The following PBRM1 variants were observed in gnomAD, a reference collection of about 807,000 sequenced individuals.
PBRM1 encodes polybromo 1.
In PBRM1, 27 loss-of-function variants were observed where a neutral mutation model predicts 194.5. The observed-to-expected ratio is 0.14, with a 90% CI of 0.10 to 0.19. The LOEUF (loss-of-function observed/expected upper bound fraction) is 0.19. Ranked by LOEUF, PBRM1 falls within the 10% of genes least tolerant of loss-of-function variation. PBRM1 has a pLI of 1.00. For synonymous variants in PBRM1, 655 were observed against 693.2 expected, an observed-to-expected ratio of 0.94 and a Z score of 0.87; for missense variants, 1,466 against 2,077.2, an observed-to-expected ratio of 0.71 and a Z score of 5.72.
rs1282943179 is a variant in PBRM1, at chr3:52,662,274, T to C, written c.387A>G (p.Pro129=). The stretch of plus-strand genomic sequence containing the variant: ...AAGCGGCTTTATATTCAGGAGAATC[T>C]GGCTGTATGTTAGCAAAGAGAAAAA... The change falls in exon 4 of 30, where the codon CCA becomes CCG. Residue 129 remains proline, a splice_region_variant and synonymous_variant. Coordinates refer to ENST00000296302, the Ensembl canonical transcript of PBRM1. 5 of 1,597,918 alleles carry C rather than the reference T, an allele frequency of 3.1e-6. No homozygotes were observed. The East Asian group carries it at 1.1e-4, about 36-fold the overall frequency.
At chr3:52,564,290 C>T in intron 22 of PBRM1, 57 bp from the exon 25 acceptor site, 4 of 1,229,448 alleles carry the variant, frequency 3.3e-6, no homozygotes, top group African/African-American at 1.5e-5. Context: ...TAGTTACTAA[C>T]TGTTTTAACA....
chr3:52,628,966 T>A, exon 12 of PBRM1: 1 of 1,612,162 alleles, frequency 6.2e-7, no homozygotes, highest in Admixed American at 1.7e-5. Flanking sequence ...GTTTGGCATT[T>A]TCAAACATTA....
chr3:52,617,135 A>G lies in PBRM1; in HGVS notation c.1818+127T>C, dbSNP rs2095003967. The G allele has an allele frequency of 7.4e-6, 5 of 679,376 alleles. No homozygotes were observed. The East Asian group carries it at 1.4e-4, about 19-fold the overall frequency. The allele number at this position is 679,376 out of a possible 1,614,324, so 42.1% of individuals were successfully genotyped here. On this transcript the variant is annotated intron_variant, in intron 14 of 29. Coordinates refer to ENST00000296302, the Ensembl canonical transcript of PBRM1. ...GATTGTAAACAATGAAGAAAAATCA[A>G]TTAACCTAGTCACCAAAAAGAATAA...
chr3:52,676,813 G>A (rs1043370041), intron 2 of PBRM1, among the ~76,000 whole-genome samples: 13 of 152,212 alleles, frequency 8.5e-5, no homozygotes, highest in Non-Finnish European at 1.5e-5. Context: ...ATAAGGTCCA[G>A]GCTGAGGTGG....
intron 4 of PBRM1, among the ~76,000 whole-genome samples, chr3:52,661,736 A>G (rs568201630): frequency 1.3e-5 from 2 of 152,364 alleles, no homozygotes; most frequent in South Asian, 4.1e-4. Flanking sequence ...TTCTAGGAAC[A>G]GTAACTATTC....
chr3:52,679,535 G>T (rs2154065078), intron 1 of PBRM1, 39 bp downstream of exon 2: 1 of 1,576,524 alleles, frequency 6.3e-7, no homozygotes, highest in Non-Finnish European at 8.6e-7. Flanking sequence ...GGGAATTGTG[G>T]GAAGAGCAGG....
At chr3:52,658,734 T>G (rs1021511055) in intron 4 of PBRM1, among the ~76,000 whole-genome samples, 1 of 152,152 alleles carries the variant, frequency 6.6e-6, no homozygotes, top group Non-Finnish European at 1.5e-5. Flanking sequence ...AACTCCAAAT[T>G]TCAAGAATAC....
intron 17 of PBRM1, among the ~76,000 whole-genome samples, chr3:52,595,169 C>A (rs2093432953): frequency 6.6e-6 from 1 of 152,026 alleles, no homozygotes; most frequent in Non-Finnish European, 1.5e-5. Context: ...AAAGTTCCTT[C>A]AATCTTTAAA....
At chr3:52,577,698 A>G (rs954488760) in intron 21 of PBRM1, among the ~76,000 whole-genome samples, 1 of 152,076 alleles carries the variant, frequency 6.6e-6, no homozygotes, top group African/African-American at 2.4e-5. Context: ...TATTAATTTG[A>G]CCTTCAAAAT....
chr3:52,678,472 CAACTGT>C, intron 2 of PBRM1, 22 bp downstream of exon 3: 1 of 1,446,664 alleles, frequency 6.9e-7, no homozygotes, highest in South Asian at 1.1e-5. Flanking sequence ...AAATCCCCCG[CAACTGT>C]ACTGATGTGC....
chr3:52,629,639 A>G (rs1241800298), intron 11 of PBRM1, among the ~76,000 whole-genome samples: 1 of 152,226 alleles, frequency 6.6e-6, no homozygotes, highest in African/African-American at 2.4e-5. Flanking sequence ...TTTTTACTTA[A>G]AAGTCTTAAG....
intron 13 of PBRM1, 101 bp downstream of exon 14, chr3:52,627,172 A>C: frequency 1.6e-6 from 1 of 622,206 alleles, no homozygotes; most frequent in Non-Finnish European, 2.8e-6. Context: ...ATTTATTTAA[A>C]GCTTACAACT....
In PBRM1 at chr3:52,588,955, C is replaced by T; in HGVS notation, c.2965+115G>A. On this transcript the variant is annotated intron_variant, in intron 18 of 29. Transcript: ENST00000296302. ...TACTTACATTTATTGACATATTGAA[C>T]AATTATTATGGAAAGGCTTAAGATG... is the stretch of plus-strand genomic sequence containing the variant. The T allele has an allele frequency of 2.8e-6, 2 of 709,778 alleles. 1 individual carries two copies. The highest frequency in any genetic ancestry group is 4.9e-6 in the Non-Finnish European group (2 of 406,580). 44.0% of individuals were successfully genotyped at this position (709,778 alleles called of 1,614,324 possible).
intron 17 of PBRM1, among the ~76,000 whole-genome samples, chr3:52,598,943 A>T (rs562563347): frequency 6.6e-6 from 1 of 151,450 alleles, no homozygotes; most frequent in African/African-American, 2.4e-5. Context: ...AATCGCTGGA[A>T]CCTGGGAGGC....
At chr3:52,587,240 A>T in intron 19 of PBRM1, 113 bp downstream of exon 21, 2 of 851,404 alleles carry the variant, frequency 2.3e-6, no homozygotes, top group Admixed American at 2.5e-5. Context: ...GACACGGCTT[A>T]AAAAATAGCT....
chr3:52,563,636 A>G (rs139671649), intron 23 of PBRM1, 143 bp from the exon 26 acceptor site: 5 of 614,776 alleles, frequency 8.1e-6, no homozygotes, highest in Non-Finnish European at 1.4e-5. Context: ...AAGAGTTTAA[A>G]TGTGTATTTA....
At chr3:52,685,622 GC>G (rs2154093653) in intron 1 of PBRM1, 126 bp downstream of exon 1, 2 of 148,030 alleles carry the variant, frequency 1.4e-5, no homozygotes, top group East Asian at 3.9e-4. Context: ...CGCGCGCCCG[GC>G]CCGACCCGCG....
intron 17 of PBRM1, among the ~76,000 whole-genome samples, chr3:52,591,712 G>C (rs2093073388): frequency 1.3e-5 from 2 of 149,218 alleles, no homozygotes; most frequent in African/African-American, 4.9e-5. Context: ...TAGAGATGGG[G>C]TTTCACCATC....
At chr3:52,558,690 C>T (rs1278315299) in intron 25 of PBRM1, among the ~76,000 whole-genome samples, 1 of 152,164 alleles carries the variant, frequency 6.6e-6, no homozygotes, top group Non-Finnish European at 1.5e-5. Flanking sequence ...TATGTAAACA[C>T]GTCACCAGCA....
Sources: gnomAD v4.1 joint callset for allele counts (sites outside exome capture counted in the v4.1 genomes callset) on GRCh38, gnomAD v4.1.1 for gene constraint, MANE v1.5 for transcripts, NCBI Gene and HGNC (gene_info 2026-07-23, HGNC 2026-07-21) for gene names.